Variants in ILDR1 observed in about 807,000 individuals in gnomAD.
ILDR1 encodes the protein immunoglobulin like domain containing receptor 1.
In ILDR1, 56 loss-of-function variants were observed where a neutral mutation model predicts 62.4. The ratio of observed to expected loss-of-function variants is 0.90; its 90% confidence interval spans 0.72 to 1.12. ILDR1 has a LOEUF of 1.12. Among genes scored for constraint, ILDR1 ranks in the 50% most tolerant of loss-of-function variants. ILDR1 has a pLI of 0.00. For missense variants in ILDR1, 736 were observed against 710.6 expected, an observed-to-expected ratio of 1.04 and a Z score of -0.41; for synonymous variants, 284 against 277.8, an observed-to-expected ratio of 1.02 and a Z score of -0.22.
intron 1 of ILDR1, among the ~76,000 whole-genome samples, chr3:122,015,349 G>A (rs554574301): frequency 1.3e-5 from 2 of 152,284 alleles, no homozygotes; most frequent in African/African-American, 4.8e-5. Flanking sequence ...CCAAAAACTA[G>A]GAAGGAATCA....
the ILDR1 span, among the ~76,000 whole-genome samples, chr3:122,048,425 A>T: frequency 6.6e-6 from 1 of 152,290 alleles, no homozygotes; most frequent in South Asian, 2.1e-4. Context: ...CTGTCAGGTT[A>T]ACACTGGCCT....
intron 2 of ILDR1, among the ~76,000 whole-genome samples, chr3:122,006,103 T>C (rs2071606442): frequency 6.6e-6 from 1 of 151,998 alleles, no homozygotes; most frequent in Non-Finnish European, 1.5e-5. Context: ...TTGGGGACAA[T>C]GGCAGACTCA....
At position 122,010,008 on chromosome 3, in the gene ILDR1, G is replaced by T. The variant is rs57354038; in HGVS notation, c.59-2847C>A. ...CTGCGGCAGTGCAGGCGAGAGCTGT[G>T]GGCAGGAAGACTTCATGAAAGGAAA... is the stretch of plus-strand genomic sequence containing the variant. On this transcript the variant is annotated intron_variant, in intron 1 of 7. Coordinates refer to ENST00000344209, the MANE Select transcript of ILDR1 (RefSeq NM_001199799.2). 8.5e-3 allele frequency among the ~76,000 whole-genome samples: 1,301 copies of T among 152,308 alleles called. 14 individuals carry two copies. The highest frequency in any genetic ancestry group is 0.029 in the African/African-American group (1,209 of 41,558).
At position 121,993,343 on chromosome 3, in the gene ILDR1, G is replaced by T; in HGVS notation, c.1406C>A (p.Ser469Tyr). ...HGRRRRHRSY[S>Y]PPLPSGLSSW... is the part of the protein sequence containing the mutation. The stretch of plus-strand genomic sequence containing the variant: ...ACTGAGGCCGGAGGGCAAGGGAGGA[G>T]AGTAGCTGCGGTGCCTGCGTCGTCT... The change falls in exon 7 of 8, where the codon TCT becomes TAT. Residue 469 changes from serine to tyrosine, a missense_variant. Physicochemically the swap from Ser to Tyr is moderately radical, Grantham distance 144. Coordinates refer to ENST00000344209, the MANE Select transcript of ILDR1 (RefSeq NM_001199799.2). 1 of 1,610,280 alleles carries T rather than the reference G, an allele frequency of 6.2e-7. No homozygotes were observed. Among genetic ancestry groups the T allele is most frequent in the Non-Finnish European group, 8.5e-7 (1 of 1,177,086 alleles).
the ILDR1 span, among the ~76,000 whole-genome samples, chr3:122,053,996 CTTATA>C: frequency 6.6e-6 from 1 of 152,080 alleles, no homozygotes; most frequent in Non-Finnish European, 1.5e-5. Context: ...AGATAGATAA[CTTATA>C]TTATTGCTGT....
chr3:122,014,342 TG>T (rs1002750299), intron 1 of ILDR1, among the ~76,000 whole-genome samples: 2 of 152,206 alleles, frequency 1.3e-5, no homozygotes, highest in African/African-American at 4.8e-5. Flanking sequence ...TTTCCTATGT[TG>T]TTTTTTTTAA....
intron 1 of ILDR1, among the ~76,000 whole-genome samples, chr3:122,016,701 G>T (rs1413116155): frequency 6.6e-6 from 1 of 152,180 alleles, no homozygotes; most frequent in Non-Finnish European, 1.5e-5. Flanking sequence ...TAAGCTATAG[G>T]GATCTAATGG....
Position 121,993,262 on chromosome 3 carries a change from C to T in ILDR1, c.1487G>A (p.Arg496His), listed in dbSNP as rs757986659. 69 of 1,613,374 alleles carry T rather than the reference C, an allele frequency of 4.3e-5. No individual in the cohort carries two copies. Among genetic ancestry groups the T allele is most frequent in the Non-Finnish European group, 5.6e-5 (66 of 1,179,738 alleles). ...CCAGTGTGGGGAGTGCGAGCCGCGG[C>T]GGTGGGCCCGCCAGCTCTGGGGCTG... The part of the protein sequence containing the change: ...ERQPQSWRAH[R>H]RGSHSPHWPE... Residue 496 changes from arginine (R) to histidine (H), a missense_variant, in exon 7 of 8, where the codon CGC becomes CAC. Transcript: ENST00000344209.
intron 1 of ILDR1, among the ~76,000 whole-genome samples, chr3:122,008,593 C>CTT (rs10546593): frequency 2.1e-4 from 17 of 80,110 alleles, no homozygotes; most frequent in East Asian, 1.5e-3. Flanking sequence ...CTTTTCTTTT[C>CTT]TTTTTTTTTT....
the ILDR1 span, among the ~76,000 whole-genome samples, chr3:122,028,023 T>G: frequency 6.6e-6 from 1 of 152,150 alleles, no homozygotes; most frequent in African/African-American, 2.4e-5. Context: ...GTTCACTTGA[T>G]GTCCACCAAG....
At chr3:122,012,633 A>G (rs2071721230) in intron 1 of ILDR1, among the ~76,000 whole-genome samples, 1 of 152,238 alleles carries the variant, frequency 6.6e-6, no homozygotes, top group Non-Finnish European at 1.5e-5. Context: ...AACTGAGATG[A>G]AGATAATACC....
chr3:122,015,063 C>T (rs1324665989), intron 1 of ILDR1, among the ~76,000 whole-genome samples: 2 of 152,162 alleles, frequency 1.3e-5, no homozygotes, highest in Non-Finnish European at 2.9e-5. Flanking sequence ...AACTTGTGCT[C>T]CTGGTAGGAG....
chr3:122,029,566 T>G, the ILDR1 span, among the ~76,000 whole-genome samples: 1 of 150,142 alleles, frequency 6.7e-6, no homozygotes, highest in Non-Finnish European at 1.5e-5. Flanking sequence ...TCTTAAATGT[T>G]GTTACTCCTG....
chr3:121,993,847 G>A lies in ILDR1; in HGVS notation c.902C>T (p.Pro301Leu). 6.2e-7 allele frequency: 1 copy of A among 1,614,166 alleles called. No homozygotes were observed. The change falls in exon 7 of 8, where the codon CCT becomes CTT. Residue 301 changes from proline (P) to leucine (L), a missense_variant. Physicochemically the swap from Pro to Leu is moderately conservative, Grantham distance 98. Coordinates refer to ENST00000344209, the MANE Select transcript of ILDR1 (RefSeq NM_001199799.2). ...KELRNLNLAQPLPPDLKGRFG... is the reference protein window; with the variant it reads ...KELRNLNLAQLLPPDLKGRFG... Reference sequence around the variant, plus strand: ...TCTGCCTTTGAGGTCAGGGGGCAGAGGCTGGGCCAGGTTGAGGTTCCGCAG... The same window carrying A: ...TCTGCCTTTGAGGTCAGGGGGCAGAAGCTGGGCCAGGTTGAGGTTCCGCAG...
At position 121,993,239 on chromosome 3, in the gene ILDR1, A is replaced by G; in HGVS notation, c.1510T>C (p.Trp504Arg). The part of the protein sequence containing the change: ...AHRRGSHSPH[W>R]PEEKPPSYRS... ...TAGCTAGGCGGCTTCTCCTCGGGCCAGTGTGGGGAGTGCGAGCCGCGGCGG... is the reference window on the plus strand; with the variant it reads ...TAGCTAGGCGGCTTCTCCTCGGGCCGGTGTGGGGAGTGCGAGCCGCGGCGG... The change falls in exon 7 of 8, where the codon TGG (tryptophan) becomes CGG (arginine). Residue 504 changes from tryptophan to arginine, a missense_variant. Trp to Arg is a moderately radical substitution (Grantham distance 101, BLOSUM62 -3). Transcript: ENST00000344209. 1 of 1,613,916 alleles carries G rather than the reference A, an allele frequency of 6.2e-7. No individual in the cohort carries two copies. The highest frequency in any genetic ancestry group is 8.5e-7 in the Non-Finnish European group (1 of 1,179,912).
At chr3:122,016,276 G>A (rs1376920952) in intron 1 of ILDR1, among the ~76,000 whole-genome samples, 1 of 152,216 alleles carries the variant, frequency 6.6e-6, no homozygotes, top group East Asian at 1.9e-4. Context: ...TGCTCTTGTG[G>A]TACCTTGTAT....
chr3:122,044,746 G>T, the ILDR1 span, among the ~76,000 whole-genome samples: 1 of 151,974 alleles, frequency 6.6e-6, no homozygotes, highest in Non-Finnish European at 1.5e-5. Flanking sequence ...TTGTATTTCT[G>T]TGGGATTGGT....
In ILDR1 at chr3:122,001,607, G is replaced by C. The variant is rs191602232; in HGVS notation, c.499+138C>G. 5.2e-5 allele frequency: 77 copies of C among 1,488,840 alleles called. 1 individual carries two copies. Among genetic ancestry groups the C allele is most frequent in the African/African-American group, 4.3e-4 (31 of 71,918 alleles). 92.2% of individuals were successfully genotyped at this position (1,488,840 alleles called of 1,614,324 possible). A position where few individuals can be genotyped will look rare whatever the true frequency, so the allele number is the denominator to read the frequency against. ...GGCAAAAAGGTAAAAGTTTAGCTTT[G>C]ATAAGGGAACTTTAGAGGTTGATAA... is the stretch of plus-strand genomic sequence containing the variant. On this transcript the variant is annotated intron_variant, in intron 4 of 7. Coordinates refer to ENST00000344209, the MANE Select transcript of ILDR1 (RefSeq NM_001199799.2).
intron 3 of ILDR1, among the ~76,000 whole-genome samples, chr3:122,003,338 G>A (rs1027050268): frequency 3.3e-5 from 5 of 152,126 alleles, no homozygotes; most frequent in African/African-American, 1.2e-4. Flanking sequence ...CTCTTTCTAC[G>A]TCAATATCTA....
Sources: gnomAD v4.1 joint callset for allele counts (sites outside exome capture counted in the v4.1 genomes callset) on GRCh38, gnomAD v4.1.1 for gene constraint, MANE v1.5 for transcripts, NCBI Gene and HGNC (gene_info 2026-07-23, HGNC 2026-07-21) for gene names.